Variants in DLG2 observed in about 807,000 individuals in gnomAD.
The protein encoded by DLG2 is disks large homolog 2.
DLG2 carries 45 observed loss-of-function variants against 132.5 expected under a neutral mutation model. The observed-to-expected ratio is 0.34, with a 90% CI of 0.27 to 0.44. The LOEUF is 0.44. DLG2 is among the 20% of genes least tolerant of loss of function. DLG2 has a pLI of 1.00. For missense variants in DLG2, 1,045 were observed against 1,196.9 expected, an observed-to-expected ratio of 0.87 and a Z score of 1.87; for synonymous variants, 424 against 419.6, an observed-to-expected ratio of 1.01 and a Z score of -0.13.
chr11:84,926,216 G>T (rs760737214), intron 6 of DLG2, among the ~76,000 whole-genome samples: 2 of 151,900 alleles, frequency 1.3e-5, no homozygotes, highest in Non-Finnish European at 2.9e-5. Flanking sequence ...GTTAGAAAAG[G>T]TTATTAAAAT....
intron 3 of DLG2, among the ~76,000 whole-genome samples, chr11:85,321,823 C>T (rs778032682): frequency 1.6e-4 from 24 of 151,832 alleles, no homozygotes; most frequent in African/African-American, 3.1e-4. Context: ...GGTTTAGTGA[C>T]GTGGTCAGCA....
At chr11:84,853,777 T>C (rs900979680) in intron 6 of DLG2, among the ~76,000 whole-genome samples, 1 of 152,036 alleles carries the variant, frequency 6.6e-6, no homozygotes, top group African/African-American at 2.4e-5. Context: ...TGTTCAGAAA[T>C]TGAATCATTT....
At chr11:83,906,582 A>G (rs75801557) in intron 15 of DLG2, among the ~76,000 whole-genome samples, 16,098 of 152,130 alleles carry the variant, frequency 0.11, 1,283 homozygotes, top group African/African-American at 0.22. Context: ...GGATACCAAC[A>G]ATATCATCCA....
In DLG2 at chr11:83,856,741, G is replaced by A. The variant is rs781085990; in HGVS notation, c.1565+17679C>T. On this transcript the variant is annotated intron_variant, in intron 16 of 27. Coordinates refer to ENST00000376104, the MANE Select transcript of DLG2 (RefSeq NM_001142699.3). ...AGGATATTTGACCTTTCTCAGATGCGTAATTTGGAAATATTTTCTCCAATT... is the reference window on the plus strand; with the variant it reads ...AGGATATTTGACCTTTCTCAGATGCATAATTTGGAAATATTTTCTCCAATT... Among the ~76,000 whole-genome samples, 51 of 152,016 alleles carry A rather than the reference G, an allele frequency of 3.4e-4. 1 individual carries two copies. Among genetic ancestry groups the A allele is most frequent in the Admixed American group, 1.2e-3 (18 of 15,264 alleles).
At chr11:84,996,441 A>G (rs963882471) in intron 6 of DLG2, among the ~76,000 whole-genome samples, 3 of 152,086 alleles carry the variant, frequency 2.0e-5, no homozygotes, top group African/African-American at 4.8e-5. Context: ...CTATCTTTCA[A>G]TTCAGATCTG....
chr11:85,294,396 A>G (rs1330328135), intron 3 of DLG2, among the ~76,000 whole-genome samples: 1 of 152,142 alleles, frequency 6.6e-6, no homozygotes, highest in South Asian at 2.1e-4. Context: ...AATGAAGTAT[A>G]CAGTGCAGAA....
chr11:85,531,059 A>T (rs1285240811), intron 3 of DLG2, among the ~76,000 whole-genome samples: 1 of 152,222 alleles, frequency 6.6e-6, no homozygotes, highest in Non-Finnish European at 1.5e-5. Flanking sequence ...AGTAAATGAA[A>T]ATAGAAGAAA....
At chr11:83,967,589 T>C (rs1484167180) in intron 12 of DLG2, among the ~76,000 whole-genome samples, 1 of 152,202 alleles carries the variant, frequency 6.6e-6, no homozygotes, top group Admixed American at 6.6e-5. Flanking sequence ...TGTTAATGTT[T>C]TTCTACTCTT....
intron 7 of DLG2, among the ~76,000 whole-genome samples, chr11:84,515,358 G>GT (rs1397181706): frequency 6.6e-6 from 1 of 150,464 alleles, no homozygotes. Context: ...TTAAGTAATT[G>GT]TAAGAACACA....
intron 5 of DLG2, among the ~76,000 whole-genome samples, chr11:85,142,399 T>G (rs187771310): frequency 7.2e-5 from 11 of 151,908 alleles, no homozygotes; most frequent in African/African-American, 2.6e-4. Flanking sequence ...ACTTTTTGTA[T>G]GTTGATTTTG....
intron 11 of DLG2, among the ~76,000 whole-genome samples, chr11:83,989,875 C>T (rs759796248): frequency 5.3e-5 from 8 of 152,026 alleles, no homozygotes; most frequent in East Asian, 1.9e-4. Context: ...ATACTGATTT[C>T]GGGGAAGTGA....
chr11:84,050,527 A>T (rs2154119176), intron 11 of DLG2, among the ~76,000 whole-genome samples: 1 of 152,066 alleles, frequency 6.6e-6, no homozygotes, highest in East Asian at 1.9e-4. Context: ...GTTTAATGAG[A>T]TCCCATTTGT....
chr11:84,863,955 A>G (rs999847478), intron 6 of DLG2, among the ~76,000 whole-genome samples: 1 of 152,206 alleles, frequency 6.6e-6, no homozygotes, highest in Admixed American at 6.5e-5. Flanking sequence ...GCTGGTAAGG[A>G]TTCAGTGAAA....
intron 17 of DLG2, among the ~76,000 whole-genome samples, chr11:83,827,429 C>A (rs1030662463): frequency 6.6e-6 from 1 of 152,134 alleles, no homozygotes; most frequent in Non-Finnish European, 1.5e-5. Context: ...TCAGCTGTGA[C>A]TCATTTTTAC....
Position 84,689,031 on chromosome 11 carries a change from C to T in DLG2, c.358-154300G>A, listed in dbSNP as rs559886190. Among the ~76,000 whole-genome samples, 10 of 152,270 alleles carry T rather than the reference C, an allele frequency of 6.6e-5. No individual in the cohort carries two copies. The East Asian group carries it at 1.2e-3, about 18-fold the overall frequency. On this transcript the variant is annotated intron_variant, in intron 6 of 27. Transcript: ENST00000376104. ...TGTTAAGCAGACTGGAGACTATCTACGTAAAACGCTAGCACAGTTGCTGAC... is the reference window on the plus strand; with the variant it reads ...TGTTAAGCAGACTGGAGACTATCTATGTAAAACGCTAGCACAGTTGCTGAC...
intron 7 of DLG2, among the ~76,000 whole-genome samples, chr11:84,416,343 T>A (rs191360512): frequency 1.8e-4 from 28 of 152,312 alleles, no homozygotes; most frequent in Admixed American, 5.2e-4. Flanking sequence ...TTTCCAGAGA[T>A]GTGTGCTGAG....
intron 6 of DLG2, among the ~76,000 whole-genome samples, chr11:84,937,019 G>A (rs575129719): frequency 6.6e-6 from 1 of 152,166 alleles, no homozygotes; most frequent in East Asian, 1.9e-4. Flanking sequence ...AGGTGTGGTG[G>A]CAGATGCCTG....
At chr11:84,210,605 A>G (rs61899174) in intron 8 of DLG2, among the ~76,000 whole-genome samples, 9,834 of 152,160 alleles carry the variant, frequency 0.065, 441 homozygotes, top group Non-Finnish European at 0.1. Context: ...TGAAATGTCT[A>G]TTATTGGGAA....
intron 14 of DLG2, among the ~76,000 whole-genome samples, chr11:83,947,848 T>C (rs1277035674): frequency 2.0e-5 from 3 of 152,212 alleles, no homozygotes; most frequent in Non-Finnish European, 4.4e-5. Flanking sequence ...TTCTGGCTTC[T>C]GAGTTTGTCA....
Sources: gnomAD v4.1 joint callset for allele counts (sites outside exome capture counted in the v4.1 genomes callset) on GRCh38, gnomAD v4.1.1 for gene constraint, MANE v1.5 for transcripts, NCBI Gene and HGNC (gene_info 2026-07-23, HGNC 2026-07-21) for gene names.